ANO10: variants seen among roughly 807,000 people sequenced by gnomAD.
The protein encoded by ANO10 is anoctamin 10, also known as anoctamin-10.
A neutral mutation model predicts 74.7 loss-of-function variants in ANO10; 77 were observed. The observed-to-expected ratio is 1.03, with a 90% CI of 0.86 to 1.25. The LOEUF is 1.25. Among genes scored for constraint, ANO10 ranks in the 50% most tolerant of loss-of-function variants. ANO10 has a pLI of 0.00. For synonymous variants in ANO10, 279 were observed against 284.9 expected (o/e 0.98, Z 0.21); for missense variants, 721 against 778.1 (o/e 0.93, Z 0.87).
At chr3:43,596,556 C>A (rs1402898846) in intron 4 of ANO10, among the ~76,000 whole-genome samples, 1 of 151,954 alleles carries the variant, frequency 6.6e-6, no homozygotes, top group Non-Finnish European at 1.5e-5. Context: ...AACTGGCCAG[C>A]CATATATAGA....
chr3:43,672,556 C>CA (rs1267291830), intron 1 of ANO10, among the ~76,000 whole-genome samples: 1 of 151,908 alleles, frequency 6.6e-6, no homozygotes, highest in Non-Finnish European at 1.5e-5. Flanking sequence ...AACAAACAAA[C>CA]AAAAAACACC....
chr3:43,448,408 G>A (rs75049991), intron 11 of ANO10, among the ~76,000 whole-genome samples: 3,069 of 151,954 alleles, frequency 0.02, 66 homozygotes, highest in African/African-American at 0.055. Context: ...CTATAGTTTT[G>A]TCTTTTCTAA....
At chr3:43,405,073 G>A (rs1039097646) in intron 12 of ANO10, among the ~76,000 whole-genome samples, 1 of 152,140 alleles carries the variant, frequency 6.6e-6, no homozygotes, top group Non-Finnish European at 1.5e-5. Flanking sequence ...TTTAGAAAAT[G>A]TTTAAGATCT....
At chr3:43,487,031 CA>C (rs2076520260) in intron 11 of ANO10, among the ~76,000 whole-genome samples, 1 of 136,820 alleles carries the variant, frequency 7.3e-6, no homozygotes, top group Non-Finnish European at 1.6e-5. Flanking sequence ...TGAATTTTGT[CA>C]AAGGCTTTTT....
intron 1 of ANO10, among the ~76,000 whole-genome samples, chr3:43,685,903 T>C (rs2084268864): frequency 6.6e-6 from 1 of 152,242 alleles, no homozygotes; most frequent in Non-Finnish European, 1.5e-5. Context: ...AGTTTTATTG[T>C]GCCTTTTTTC....
intron 11 of ANO10, among the ~76,000 whole-genome samples, chr3:43,495,983 G>A (rs577242585): frequency 5.3e-5 from 8 of 152,106 alleles, no homozygotes; most frequent in Non-Finnish European, 7.4e-5. Context: ...TTACAGGCAT[G>A]AGCCACCACG....
At chr3:43,667,085 T>TG (rs1171155086) in intron 1 of ANO10, among the ~76,000 whole-genome samples, 99 of 137,232 alleles carry the variant, frequency 7.2e-4, no homozygotes, top group Non-Finnish European at 1.3e-3. Context: ...TTTTTTTTTT[T>TG]TTTTTTTTTT....
chr3:43,554,339 G>A (rs1036838664), intron 10 of ANO10, among the ~76,000 whole-genome samples: 8 of 151,752 alleles, frequency 5.3e-5, no homozygotes, highest in Admixed American at 3.3e-4. Context: ...GATTACAGGC[G>A]CCCAGCAGCA....
Position 43,555,831 on chromosome 3 carries a change from T to A in ANO10, c.1477-362A>T, listed in dbSNP as rs566827735. Among the ~76,000 whole-genome samples, 24 of 152,356 alleles carry A rather than the reference T, an allele frequency of 1.6e-4. 1 individual carries two copies. Among genetic ancestry groups the A allele is most frequent in the Middle Eastern group, 3.4e-3 (1 of 294 alleles). On this transcript the variant is annotated intron_variant, in intron 9 of 12. Coordinates refer to ENST00000292246, the MANE Select transcript of ANO10 (RefSeq NM_018075.5). ...GAGTCCACTTCCAGTCAGTTTTTCT[T>A]ATTTTATATTTTACTAAATAGAAAA...
Position 43,366,965 on chromosome 3 carries a change from G to C in ANO10, c.1924C>G (p.Leu642Val). Residue 642 changes from leucine (L) to valine (V), a missense_variant, in exon 13 of 13, where the codon CTC (leucine) becomes GTC (valine). Leu to Val is a conservative substitution (Grantham distance 32). Coordinates refer to ENST00000292246, the MANE Select transcript of ANO10 (RefSeq NM_018075.5). ...LEALKQQQMK[L>V]VTENLKEEPM... ...TCCTCCTTCAGGTTCTCGGTCACGA[G>C]CTTCATTTGCTGTTAAGAGAAAACA... 1 of 1,600,066 alleles carries C rather than the reference G, an allele frequency of 6.2e-7. No homozygotes were observed. Among genetic ancestry groups the C allele is most frequent in the Non-Finnish European group, 8.5e-7 (1 of 1,173,092 alleles).
intron 12 of ANO10, among the ~76,000 whole-genome samples, chr3:43,392,495 C>T (rs1270403063): frequency 6.6e-6 from 1 of 152,188 alleles, no homozygotes; most frequent in Non-Finnish European, 1.5e-5. Flanking sequence ...TTTAGAATGG[C>T]TGCAATAATT....
rs1483670728 is a variant in ANO10, at chr3:43,366,724, C to A, written c.*182G>T. 8 of 667,822 alleles carry A rather than the reference C, an allele frequency of 1.2e-5. No individual in the cohort carries two copies. Among genetic ancestry groups the A allele is most frequent in the African/African-American group, 1.8e-5 (1 of 56,174 alleles). The allele number at this position is 667,822 out of a possible 1,614,324, so 41.4% of individuals were successfully genotyped here. ...TGGGGCTGGGGGAACTGCCAAGGATCCCGAGCCAAGCCACTGCGAAACTGA... is the reference window on the plus strand; with the variant it reads ...TGGGGCTGGGGGAACTGCCAAGGATACCGAGCCAAGCCACTGCGAAACTGA... On this transcript the variant is annotated 3_prime_UTR_variant, in exon 13 of 13. Transcript: ENST00000292246.
chr3:43,584,848 G>C (rs1054545748), intron 4 of ANO10, among the ~76,000 whole-genome samples: 2 of 152,106 alleles, frequency 1.3e-5, no homozygotes, highest in African/African-American at 2.4e-5. Flanking sequence ...CAAATTAAAC[G>C]TAAGATCTGG....
At chr3:43,602,548 C>T (rs1475604195) in intron 2 of ANO10, among the ~76,000 whole-genome samples, 6 of 152,294 alleles carry the variant, frequency 3.9e-5, no homozygotes, top group Middle Eastern at 3.4e-3. Context: ...GTTAGCCAGG[C>T]TGGTCTCAAA....
At chr3:43,564,596 T>C (rs1303239346) in intron 8 of ANO10, among the ~76,000 whole-genome samples, 1 of 152,224 alleles carries the variant, frequency 6.6e-6, no homozygotes, top group Non-Finnish European at 1.5e-5. Context: ...TTAAAAATTC[T>C]TTTTTACTTG....
chr3:43,560,713 T>A (rs1251413461), intron 9 of ANO10, among the ~76,000 whole-genome samples: 2 of 152,208 alleles, frequency 1.3e-5, no homozygotes, highest in Non-Finnish European at 2.9e-5. Context: ...TGCTTGTAGT[T>A]CCTAAAAGTA....
intron 11 of ANO10, among the ~76,000 whole-genome samples, chr3:43,539,114 C>G (rs1052964311): frequency 3.9e-5 from 6 of 152,148 alleles, no homozygotes; most frequent in African/African-American, 1.4e-4. Flanking sequence ...TCCACTCTCC[C>G]TAAGAAAACC....
rs73081048 is a variant in ANO10, at chr3:43,456,379, C to T, written c.1798-23652G>A. Reference sequence around the variant, plus strand: ...TGCTAAACCTGGGCATTTTCTTCACCTGTGCTCTGAGGTAAGCTCTTGCAC... The same window carrying T: ...TGCTAAACCTGGGCATTTTCTTCACTTGTGCTCTGAGGTAAGCTCTTGCAC... On this transcript the variant is annotated intron_variant, in intron 11 of 12. Transcript: ENST00000292246. 9.6e-3 allele frequency among the ~76,000 whole-genome samples: 1,468 copies of T among 152,318 alleles called. 7 individuals are homozygous for T. The highest frequency in any genetic ancestry group is 0.017 in the Non-Finnish European group (1,135 of 68,022).
intron 10 of ANO10, among the ~76,000 whole-genome samples, chr3:43,553,083 T>A (rs1402387948): frequency 6.6e-6 from 1 of 152,044 alleles, no homozygotes; most frequent in Non-Finnish European, 1.5e-5. Context: ...CATGAGCCGC[T>A]GCACCCAGCC....
Sources: allele counts gnomAD v4.1 joint callset (sites outside exome capture counted in the v4.1 genomes callset), GRCh38; gene constraint gnomAD v4.1.1; transcripts MANE v1.5; gene names NCBI Gene and HGNC (gene_info 2026-07-23, HGNC 2026-07-21).